EPB41L4A: variants seen among roughly 807,000 people sequenced by gnomAD.
EPB41L4A encodes band 4.1-like protein 4A.
EPB41L4A carries 100 observed loss-of-function variants against 108.6 expected under a neutral mutation model. The observed-to-expected ratio is 0.92, with a 90% confidence interval of 0.78 to 1.09. The LOEUF (loss-of-function observed/expected upper bound fraction) is 1.09, where lower values mean the gene tolerates loss of function less well. Among genes scored for constraint, EPB41L4A ranks in the 50% least tolerant of loss-of-function variants. EPB41L4A has a pLI of 0.00. For missense variants in EPB41L4A, 1,030 were observed against 842.7 expected (o/e 1.22, Z -2.75); for synonymous variants, 319 against 289.0 (o/e 1.10, Z -1.05).
At chr5:112,147,567 G>A (rs900071433) in intron 12 of EPB41L4A, among the ~76,000 whole-genome samples, 2 of 151,614 alleles carry the variant, frequency 1.3e-5, no homozygotes, top group African/African-American at 4.9e-5. Flanking sequence ...GAACCCGGGA[G>A]GCAAAGGCTG....
intron 2 of EPB41L4A, among the ~76,000 whole-genome samples, chr5:112,282,093 G>A (rs1169972411): frequency 2.0e-5 from 3 of 152,194 alleles, no homozygotes; most frequent in African/African-American, 4.8e-5. Flanking sequence ...AACAGAAAGT[G>A]TATTTGAGGC....
chr5:112,210,018 G>T (rs1762659899), intron 12 of EPB41L4A, 36 bp from the exon 13 acceptor site: 2 of 1,239,268 alleles, frequency 1.6e-6, no homozygotes, highest in African/African-American at 3.0e-5. Flanking sequence ...GGAAGAGAGA[G>T]GAAACAGTGA....
intron 1 of EPB41L4A, among the ~76,000 whole-genome samples, chr5:112,341,876 A>G (rs1271776977): frequency 6.6e-6 from 1 of 152,196 alleles, no homozygotes; most frequent in Admixed American, 6.5e-5. Flanking sequence ...TGGAAAAAAT[A>G]TTTTTGGACA....
intron 12 of EPB41L4A, chr5:112,228,604 C>T (rs1748640141): frequency 3.2e-6 from 2 of 633,470 alleles, no homozygotes; most frequent in South Asian, 7.0e-5. Flanking sequence ...CAAATGGCTT[C>T]ACCCATTACT....
Position 112,209,896 on chromosome 5 carries a change from T to C in EPB41L4A, c.1174A>G (p.Lys392Glu). 1.9e-6 allele frequency: 3 copies of C among 1,593,652 alleles called. No individual in the cohort carries two copies. Among genetic ancestry groups the C allele is most frequent in the Non-Finnish European group, 2.6e-6 (3 of 1,164,374 alleles). The change falls in exon 13 of 23, where the codon AAA (lysine) becomes GAA (glutamate). Residue 392 changes from lysine (K) to glutamate (E), a missense_variant. Transcript: ENST00000261486. The part of the protein sequence containing the change: ...TIKIIAPSPV[K>E]SFKKAKNENS... ...TCTTCAGTTAACTTCACTGACCTTTTTACTGGTGAAGGTGCAATAATTTTA... is the reference window on the plus strand; with the variant it reads ...TCTTCAGTTAACTTCACTGACCTTTCTACTGGTGAAGGTGCAATAATTTTA...
Position 112,230,269 on chromosome 5 carries a change from T to C in EPB41L4A, c.1087+4365A>G, listed in dbSNP as rs552757052. Among the ~76,000 whole-genome samples, 35 of 152,366 alleles carry C rather than the reference T, an allele frequency of 2.3e-4. No individual in the cohort carries two copies. In the South Asian group the frequency reaches 7.0e-3, roughly 31 times the overall value. On this transcript the variant is annotated intron_variant, in intron 12 of 22. Transcript: ENST00000261486. ...CCAATAATGGGATTGCTGGATCAAA[T>C]GGTAGCTCTACTTTTAGTTCTTTAA...
chr5:112,167,878 G>GT (rs1760346005), intron 22 of EPB41L4A, among the ~76,000 whole-genome samples: 1 of 152,190 alleles, frequency 6.6e-6, no homozygotes, highest in Admixed American at 6.5e-5. Context: ...GATACTGCTG[G>GT]TGTCAGGCTT....
intron 1 of EPB41L4A, among the ~76,000 whole-genome samples, chr5:112,415,129 G>T (rs999812545): frequency 3.9e-5 from 6 of 151,972 alleles, no homozygotes; most frequent in African/African-American, 1.4e-4. Context: ...TGTAATTTTT[G>T]GTAAGTGAGA....
intron 1 of EPB41L4A, among the ~76,000 whole-genome samples, chr5:112,334,450 G>T (rs1236006535): frequency 1.3e-5 from 2 of 152,138 alleles, no homozygotes; most frequent in Non-Finnish European, 1.5e-5. Context: ...TGCCTCTAAA[G>T]ATGGCCACAT....
chr5:112,205,462 T>A lies in EPB41L4A; in HGVS notation c.1221A>T (p.Arg407Ser), dbSNP rs1561474074. The A allele has an allele frequency of 6.2e-7, 1 of 1,613,966 alleles. No homozygotes were observed. The highest frequency in any genetic ancestry group is 8.5e-7 in the Non-Finnish European group (1 of 1,179,928). ...CTTCCCACGGTGCATGAGATTTGCT[T>A]CTTTGGGTATCAGGGCTATTTTCAT... ...AKNENSPDTQ[R>S]SKSHAPWEEN... is the part of the protein sequence containing the mutation. Residue 407 changes from arginine (R) to serine (S), a missense_variant, in exon 14 of 23, where the codon AGA becomes AGT. Arg to Ser is a moderately radical substitution (Grantham distance 110). Coordinates refer to ENST00000261486, the MANE Select transcript of EPB41L4A (RefSeq NM_022140.5).
In EPB41L4A at chr5:112,241,781, T is replaced by C. The variant is rs544091005; in HGVS notation, c.796-971A>G. Among the ~76,000 whole-genome samples the C allele has an allele frequency of 3.3e-5, 5 of 152,318 alleles. No homozygotes were observed. The East Asian group carries it at 5.8e-4, about 18-fold the overall frequency. ...ATGCTGAGGAACAACTGTACAAGCA[T>C]ACCTTGGAGATACTATAGGTTCAGC... On this transcript the variant is annotated intron_variant, in intron 9 of 22. Transcript: ENST00000261486.
At chr5:112,184,448 GT>G (rs1761324676) in intron 17 of EPB41L4A, among the ~76,000 whole-genome samples, 1 of 152,146 alleles carries the variant, frequency 6.6e-6, no homozygotes, top group Non-Finnish European at 1.5e-5. Flanking sequence ...AAACTCTGGT[GT>G]CTGCTATAGA....
At chr5:112,363,310 C>A (rs1295525864) in intron 1 of EPB41L4A, 1 of 151,200 alleles carries the variant, frequency 6.6e-6, no homozygotes, top group African/African-American at 2.4e-5. Context: ...TCAAACAATC[C>A]TGACTGGTGA....
At chr5:112,394,398 G>C (rs966450421) in intron 1 of EPB41L4A, among the ~76,000 whole-genome samples, 45 of 152,130 alleles carry the variant, frequency 3.0e-4, no homozygotes, top group Non-Finnish European at 5.4e-4. Context: ...AAAGTCTCAG[G>C]ATACAAAATC....
At chr5:112,298,010 T>C (rs531582766) in intron 2 of EPB41L4A, among the ~76,000 whole-genome samples, 4 of 152,316 alleles carry the variant, frequency 2.6e-5, no homozygotes, top group African/African-American at 9.6e-5. Flanking sequence ...ACCAATACCA[T>C]GCTGTTTTGG....
At chr5:112,170,050 G>C (rs894599381) in intron 20 of EPB41L4A, 2 of 430,794 alleles carry the variant, frequency 4.6e-6, no homozygotes, top group Non-Finnish European at 8.1e-6. Context: ...TTTTAAAACT[G>C]ACATTAATCA....
At chr5:112,225,026 C>T (rs1436411048) in intron 12 of EPB41L4A, among the ~76,000 whole-genome samples, 3 of 152,196 alleles carry the variant, frequency 2.0e-5, no homozygotes, top group Non-Finnish European at 2.9e-5. Flanking sequence ...CGTCAAAGGC[C>T]GGATAGATGT....
At chr5:112,234,351 C>T (rs1728538306) in intron 12 of EPB41L4A, among the ~76,000 whole-genome samples, 1 of 151,336 alleles carries the variant, frequency 6.6e-6, no homozygotes, top group Non-Finnish European at 1.5e-5. Context: ...CACTGCAATC[C>T]AGCCTGGTGA....
chr5:112,198,698 T>G (rs1039581722), intron 15 of EPB41L4A, among the ~76,000 whole-genome samples: 1 of 152,176 alleles, frequency 6.6e-6, no homozygotes, highest in Non-Finnish European at 1.5e-5. Context: ...GGTTTTTTGG[T>G]TCCGTTTTGG....
Sources: gnomAD v4.1 joint callset for allele counts (sites outside exome capture counted in the v4.1 genomes callset) on GRCh38, gnomAD v4.1.1 for gene constraint, MANE v1.5 for transcripts, NCBI Gene and HGNC (gene_info 2026-07-23, HGNC 2026-07-21) for gene names.